Variants in UST observed in about 807,000 individuals in gnomAD.
UST encodes the protein uronyl 2-sulfotransferase.
Under a neutral mutation model 45.6 loss-of-function variants are expected in UST, and 21 were observed. The ratio of observed to expected loss-of-function variants is 0.46; its 90% CI spans 0.33 to 0.66. UST has a LOEUF of 0.66. Ranked by LOEUF, UST falls within the 30% of genes least tolerant of loss-of-function variation. The pLI is 0.02. For synonymous variants in UST, 215 were observed against 200.6 expected (o/e 1.07, Z -0.61); for missense variants, 463 against 512.4 (o/e 0.90, Z 0.93).
chr6:149,060,775 A>G (rs1011483841), intron 7 of UST, among the ~76,000 whole-genome samples: 10 of 152,170 alleles, frequency 6.6e-5, no homozygotes, highest in Admixed American at 6.5e-4. Flanking sequence ...ACCTGAGATG[A>G]GTAAGTCAGT....
intron 2 of UST, among the ~76,000 whole-genome samples, chr6:148,887,998 A>G (rs1455653626): frequency 6.6e-6 from 1 of 152,202 alleles, no homozygotes; most frequent in Non-Finnish European, 1.5e-5. Context: ...GCTTTGGGGA[A>G]ATTTACTCCT....
At chr6:148,813,426 G>A (rs1777296575) in intron 1 of UST, among the ~76,000 whole-genome samples, 1 of 150,888 alleles carries the variant, frequency 6.6e-6, no homozygotes, top group East Asian at 1.9e-4. Context: ...CTGTTGCCCA[G>A]GCTGGAGTGC....
intron 7 of UST, among the ~76,000 whole-genome samples, chr6:149,069,182 T>C (rs982831372): frequency 6.6e-6 from 1 of 152,236 alleles, no homozygotes; most frequent in Non-Finnish European, 1.5e-5. Context: ...CTGCGAATAT[T>C]ACTACAGTAA....
intron 3 of UST, among the ~76,000 whole-genome samples, chr6:148,948,944 A>G (rs1033571159): frequency 8.5e-5 from 13 of 152,300 alleles, no homozygotes; most frequent in African/African-American, 3.1e-4. Flanking sequence ...GCTTTAAGCA[A>G]CCAATGCAGC....
At chr6:148,907,743 G>A (rs1342599387) in intron 2 of UST, among the ~76,000 whole-genome samples, 2 of 152,124 alleles carry the variant, frequency 1.3e-5, no homozygotes, top group African/African-American at 2.4e-5. Flanking sequence ...TACGTACAGA[G>A]CCCTAGAATG....
chr6:148,963,860 G>A (rs1264375984), intron 4 of UST, among the ~76,000 whole-genome samples: 1 of 152,184 alleles, frequency 6.6e-6, no homozygotes, highest in Non-Finnish European at 1.5e-5. Context: ...TTAGAACAAG[G>A]TGAATAGCGA....
chr6:148,833,594 A>G (rs1033680656), intron 1 of UST, among the ~76,000 whole-genome samples: 1 of 152,238 alleles, frequency 6.6e-6, no homozygotes, highest in Admixed American at 6.5e-5. Flanking sequence ...GAAAAAGTAT[A>G]TGTTCAAGAT....
chr6:149,040,023 A>G (rs1223854338), intron 7 of UST, among the ~76,000 whole-genome samples: 6 of 152,170 alleles, frequency 3.9e-5, no homozygotes, highest in Non-Finnish European at 7.3e-5. Context: ...GGACATGCCT[A>G]CCTGGGTCAC....
chr6:148,955,837 T>G (rs898348038), intron 4 of UST: 1 of 152,210 alleles, frequency 6.6e-6, no homozygotes, highest in Admixed American at 6.5e-5. Context: ...TGCAACAAAT[T>G]TTAAATATTT....
chr6:148,785,755 A>G (rs942402418), intron 1 of UST, among the ~76,000 whole-genome samples: 1 of 152,228 alleles, frequency 6.6e-6, no homozygotes, highest in South Asian at 2.1e-4. Flanking sequence ...CTTGAATAGT[A>G]TAAGATGTTG....
chr6:148,955,071 C>T (rs549078767), intron 4 of UST, among the ~76,000 whole-genome samples: 22 of 152,362 alleles, frequency 1.4e-4, no homozygotes, highest in Middle Eastern at 3.4e-3. Flanking sequence ...TGGGAACCTC[C>T]GGGCCTCCCT....
chr6:148,774,981 A>G (rs1255753511), intron 1 of UST, among the ~76,000 whole-genome samples: 1 of 152,090 alleles, frequency 6.6e-6, no homozygotes, highest in Non-Finnish European at 1.5e-5. Context: ...TTACGCCACT[A>G]CACTCCAGCC....
chr6:148,873,738 T>C (rs1778600725), intron 1 of UST, among the ~76,000 whole-genome samples: 1 of 152,178 alleles, frequency 6.6e-6, no homozygotes, highest in South Asian at 2.1e-4. Context: ...TATTGTAAAC[T>C]GGGGTTCTTG....
chr6:148,826,883 A>G (rs1465082307), intron 1 of UST, among the ~76,000 whole-genome samples: 1 of 152,178 alleles, frequency 6.6e-6, no homozygotes, highest in Non-Finnish European at 1.5e-5. Flanking sequence ...GTTGCATCTT[A>G]CTGACCCTGC....
Position 148,748,479 on chromosome 6 carries a change from C to T in UST, c.247+802C>T, listed in dbSNP as rs373779098. Among the ~76,000 whole-genome samples the T allele has an allele frequency of 6.7e-6, 1 of 149,814 alleles. No homozygotes were observed. The highest frequency in any genetic ancestry group is 3.4e-3 in the Middle Eastern group (1 of 292). On this transcript the variant is annotated intron_variant, in intron 1 of 7. Coordinates refer to ENST00000367463, the MANE Select transcript of UST (RefSeq NM_005715.3). The surrounding 1 kb of genome is among the most constrained non-coding windows in gnomAD (Gnocchi z 5.3). ...GTTTATTAGGAGAGAGGCCGCCTGT[C>T]TTTAGCAGAAGTAAGGAAGGGGTTT...
intron 2 of UST, among the ~76,000 whole-genome samples, chr6:148,929,270 G>A (rs1335490547): frequency 6.6e-6 from 1 of 152,150 alleles, no homozygotes; most frequent in Non-Finnish European, 1.5e-5. Flanking sequence ...CCTAGCTCAT[G>A]AGTGAGTCCT....
intron 1 of UST, among the ~76,000 whole-genome samples, chr6:148,749,799 A>G (rs1487440193): frequency 6.6e-6 from 1 of 152,238 alleles, no homozygotes; most frequent in Non-Finnish European, 1.5e-5. Context: ...GAAGAACTGA[A>G]AGATTGAATG....
chr6:148,983,809 G>A (rs181509487), intron 5 of UST, among the ~76,000 whole-genome samples: 7 of 152,298 alleles, frequency 4.6e-5, no homozygotes, highest in African/African-American at 1.7e-4. Flanking sequence ...AGACAGCCTA[G>A]TGCAACCTCA....
intron 6 of UST, among the ~76,000 whole-genome samples, chr6:149,020,553 A>G (rs1775962855): frequency 1.3e-5 from 2 of 152,242 alleles, no homozygotes; most frequent in African/African-American, 4.8e-5. Context: ...AATGATTTTT[A>G]TAACTCTTTC....
Sources: gnomAD v4.1 joint callset for allele counts (sites outside exome capture counted in the v4.1 genomes callset) on GRCh38, gnomAD v4.1.1 for gene constraint, Gnocchi (gnomAD v3.1) non-coding constraint, MANE v1.5 for transcripts, NCBI Gene and HGNC (gene_info 2026-07-23, HGNC 2026-07-21) for gene names.